GLYR1: variants seen among roughly 807,000 people sequenced by gnomAD.
GLYR1 encodes the protein cytokine-like nuclear factor N-PAC.
GLYR1 carries 21 observed loss-of-function variants against 72.7 expected under a neutral mutation model. The observed-to-expected ratio is 0.29, with a 90% confidence interval of 0.20 to 0.42. GLYR1 has a LOEUF of 0.42. Among genes scored for constraint, GLYR1 ranks in the 10% least tolerant of loss-of-function variants. The pLI is 1.00. For missense variants in GLYR1, 594 were observed against 712.1 expected, an observed-to-expected ratio of 0.83 and a Z score of 1.89; for synonymous variants, 392 against 270.2, an observed-to-expected ratio of 1.45 and a Z score of -4.42.
chr16:4,846,904 C>T (rs1377628848), intron 1 of GLYR1: 2 of 428,790 alleles, frequency 4.7e-6, no homozygotes, highest in Admixed American at 4.5e-5. Flanking sequence ...CAACAAGACC[C>T]CGGGGACCGG....
At chr16:4,822,437 C>T (rs529738822) in intron 7 of GLYR1, among the ~76,000 whole-genome samples, 1 of 152,158 alleles carries the variant, frequency 6.6e-6, no homozygotes, top group Admixed American at 6.5e-5. Context: ...GTTGCCCAGT[C>T]TGGAGTGCAG....
At chr16:4,829,804 T>C (rs923801127) in intron 5 of GLYR1, among the ~76,000 whole-genome samples, 3 of 152,088 alleles carry the variant, frequency 2.0e-5, no homozygotes, top group Admixed American at 6.5e-5. Context: ...TCCCGAGTAG[T>C]TGGAATTACA....
At chr16:4,817,268 C>T (rs113858528) in intron 10 of GLYR1, among the ~76,000 whole-genome samples, 10,261 of 151,662 alleles carry the variant, frequency 0.068, 343 homozygotes, top group African/African-American at 0.1. Flanking sequence ...TACAGGTGCC[C>T]GCCACCACGC....
intron 3 of GLYR1, 109 bp downstream of exon 3, chr16:4,844,965 C>T: frequency 2.6e-6 from 2 of 756,294 alleles, no homozygotes; most frequent in Non-Finnish European, 4.6e-6. Flanking sequence ...CAGTATTACA[C>T]ATTATAAGAA....
rs370659586 is a variant in GLYR1 at position 4,808,598 on chromosome 16, CTAAAATAAAA to C, written c.1587+2562_1587+2571del. On this transcript the variant is annotated intron_variant, in intron 15 of 15. Transcript: ENST00000321919. ...GGGCAACAAGGGTGAAACTCGGTCT[CTAAAATAAAA>C]TAAAATAAAATAAAATAACATAAAA... Among the ~76,000 whole-genome samples the C allele has an allele frequency of 1.4e-4, 21 of 151,532 alleles. No individual in the cohort carries two copies. In the South Asian group the frequency reaches 2.9e-3, roughly 21 times the overall value.
intron 3 of GLYR1, among the ~76,000 whole-genome samples, chr16:4,841,912 C>G (rs1258215470): frequency 3.9e-5 from 6 of 152,184 alleles, no homozygotes; most frequent in Admixed American, 1.3e-4. Flanking sequence ...AGTCCCCATC[C>G]ATCCAGATTC....
intron 10 of GLYR1, among the ~76,000 whole-genome samples, chr16:4,817,183 G>A (rs1389958284): frequency 1.3e-5 from 2 of 151,154 alleles, no homozygotes; most frequent in African/African-American, 2.4e-5. Flanking sequence ...GCAGTGGCGC[G>A]ATCTCGGCTC....
chr16:4,837,405 T>A (rs575799928), intron 3 of GLYR1, among the ~76,000 whole-genome samples: 1 of 150,596 alleles, frequency 6.6e-6, no homozygotes, highest in Non-Finnish European at 1.5e-5. Flanking sequence ...CACTCCAGCA[T>A]GGGCGACAGA....
chr16:4,836,378 C>G (rs1006227505), intron 3 of GLYR1, among the ~76,000 whole-genome samples: 14 of 152,178 alleles, frequency 9.2e-5, no homozygotes, highest in Admixed American at 2.6e-4. Context: ...GAAGCTGTAA[C>G]TTTTGATTTT....
intron 15 of GLYR1, among the ~76,000 whole-genome samples, chr16:4,809,163 G>C (rs1447622644): frequency 6.8e-6 from 1 of 146,168 alleles, no homozygotes; most frequent in African/African-American, 2.5e-5. Flanking sequence ...AAAACAATAA[G>C]CCTGAGAAGG....
In GLYR1 at chr16:4,823,862, C is replaced by T. The variant is rs142231403; in HGVS notation, c.583G>A (p.Gly195Arg). The T allele has an allele frequency of 2.6e-5, 42 of 1,613,960 alleles. No homozygotes were observed. Among genetic ancestry groups the T allele is most frequent in the South Asian group, 2.0e-4 (18 of 91,076 alleles). ...ESSTVKGMMA[G>R]PMAAFKWQPT... ...TGCCATTTAAACGCGGCCATCGGTC[C>T]GGCCATCATCCCCTTCACGGTACTA... Residue 195 changes from glycine (G) to arginine (R), a missense_variant, in exon 6 of 16, where the codon GGA (glycine) becomes AGA (arginine). Physicochemically the swap from Gly to Arg is moderately radical, Grantham distance 125 (BLOSUM62 -2). Transcript: ENST00000321919.
chr16:4,814,495 G>C, intron 11 of GLYR1, 42 bp downstream of exon 11: 1 of 1,477,586 alleles, frequency 6.8e-7, no homozygotes, highest in Non-Finnish European at 9.5e-7. Flanking sequence ...AGCAATCCTG[G>C]CTGTGACCCG....
intron 5 of GLYR1, among the ~76,000 whole-genome samples, chr16:4,824,873 T>G (rs1356075100): frequency 2.0e-5 from 3 of 152,242 alleles, no homozygotes; most frequent in African/African-American, 7.2e-5. Flanking sequence ...TGACACCCCC[T>G]GCCTAAACTA....
At chr16:4,846,521 C>G (rs2086089838) in intron 1 of GLYR1, 1 of 333,642 alleles carries the variant, frequency 3.0e-6, no homozygotes, top group Non-Finnish European at 5.8e-6. Flanking sequence ...CTTTCCCTCC[C>G]TAAGTCTGGT....
At chr16:4,844,784 T>C (rs1293461224) in intron 3 of GLYR1, among the ~76,000 whole-genome samples, 3 of 152,142 alleles carry the variant, frequency 2.0e-5, no homozygotes, top group Non-Finnish European at 4.4e-5. Context: ...GGAACTGCCT[T>C]TGGAGTTGGG....
intron 1 of GLYR1, 104 bp downstream of exon 1, chr16:4,847,124 G>A: frequency 9.2e-7 from 1 of 1,087,948 alleles, no homozygotes; most frequent in Non-Finnish European, 1.3e-6. Context: ...CTCTCTCCGC[G>A]ACCTGGAGCG....
rs1275033122 is a variant in GLYR1, at chr16:4,821,985, T to C, written c.682-388A>G. Among the ~76,000 whole-genome samples the C allele has an allele frequency of 3.9e-5, 6 of 152,348 alleles. No homozygotes were observed. In the East Asian group the frequency reaches 9.6e-4, roughly 24 times the overall value. On this transcript the variant is annotated intron_variant, in intron 7 of 15. Coordinates refer to ENST00000321919, the MANE Select transcript of GLYR1 (RefSeq NM_032569.4). Reference sequence around the variant, plus strand: ...ACCTCTTGGAGTGAGCTTGAAGATGTGTCTGCCATGCAATTTCATGGGGTG... The same window carrying C: ...ACCTCTTGGAGTGAGCTTGAAGATGCGTCTGCCATGCAATTTCATGGGGTG...
chr16:4,810,374 G>A (rs1415390495), intron 15 of GLYR1, among the ~76,000 whole-genome samples: 1 of 151,802 alleles, frequency 6.6e-6, no homozygotes, highest in African/African-American at 2.4e-5. Flanking sequence ...GGGCACGCCT[G>A]TAATCCCAGG....
rs1025851823 is a variant in GLYR1 at position 4,821,395 on chromosome 16, G to T, written c.791C>A (p.Thr264Lys). ...AAGGTCCTACTTTTTGTCTGTGGGT[G>T]TGATGCTGCCATTCACGGCTGTGCT... ...ADSTAVNGSI[T>K]PTDKKIGFLG... Residue 264 changes from threonine to lysine, a missense_variant, in exon 9 of 16, where the codon ACA becomes AAA. By Grantham distance (78) the Thr-to-Lys change is moderately conservative. Coordinates refer to ENST00000321919, the MANE Select transcript of GLYR1 (RefSeq NM_032569.4). The T allele has an allele frequency of 6.2e-7, 1 of 1,613,106 alleles. No homozygotes were observed. Among genetic ancestry groups the T allele is most frequent in the Non-Finnish European group, 8.5e-7 (1 of 1,180,056 alleles).
Sources: gnomAD v4.1 joint callset for allele counts (sites outside exome capture counted in the v4.1 genomes callset) on GRCh38, gnomAD v4.1.1 for gene constraint, MANE v1.5 for transcripts, NCBI Gene and HGNC (gene_info 2026-07-23, HGNC 2026-07-21) for gene names.